Variants in ARHGAP24 observed in about 807,000 individuals in gnomAD.
ARHGAP24 encodes the protein rho GTPase-activating protein 24.
A neutral mutation model predicts 76.4 loss-of-function variants in ARHGAP24; 50 were observed. The observed-to-expected ratio is 0.65, with a 90% confidence interval of 0.52 to 0.83. The LOEUF is 0.83. ARHGAP24 is among the 40% of genes least tolerant of loss of function. The pLI is 0.00. For synonymous variants in ARHGAP24, 345 were observed against 323.3 expected (o/e 1.07, Z -0.72); for missense variants, 930 against 914.2 (o/e 1.02, Z -0.22).
intron 8 of ARHGAP24, among the ~76,000 whole-genome samples, chr4:85,988,932 T>C (rs1469343034): frequency 1.3e-5 from 2 of 151,522 alleles, no homozygotes; most frequent in African/African-American, 2.4e-5. Flanking sequence ...TATGGACTTA[T>C]ATCAGAAAGA....
intron 2 of ARHGAP24, among the ~76,000 whole-genome samples, chr4:85,669,083 G>C (rs1332173087): frequency 6.6e-6 from 1 of 152,050 alleles, no homozygotes; most frequent in Non-Finnish European, 1.5e-5. Context: ...AATTGCTCTA[G>C]TATCTTTGGG....
At chr4:85,930,923 C>A in intron 4 of ARHGAP24, 1 of 1,613,804 alleles carries the variant, frequency 6.2e-7, no homozygotes, top group Non-Finnish European at 8.5e-7. Flanking sequence ...GAACTTCAGG[C>A]CTGTACGATG....
At chr4:85,534,575 A>G (rs747577500) in intron 1 of ARHGAP24, among the ~76,000 whole-genome samples, 44 of 152,196 alleles carry the variant, frequency 2.9e-4, no homozygotes, top group Non-Finnish European at 5.3e-4. Flanking sequence ...TGGGGTGGAA[A>G]TAAATGTGGG....
chr4:85,674,147 T>C (rs1369230423), intron 2 of ARHGAP24, among the ~76,000 whole-genome samples: 4 of 152,178 alleles, frequency 2.6e-5, no homozygotes, highest in Admixed American at 2.6e-4. Flanking sequence ...GAGGGCTGAT[T>C]CAGTAGATCT....
rs185590354 is a variant in ARHGAP24 at position 85,917,183 on chromosome 4, A to G, written c.269-6465A>G. 3.2e-3 allele frequency among the ~76,000 whole-genome samples: 485 copies of G among 152,206 alleles called. 3 individuals carry two copies. The highest frequency in any genetic ancestry group is 0.011 in the African/African-American group (471 of 41,518). On this transcript the variant is annotated intron_variant, in intron 3 of 9. Transcript: ENST00000395184. ...CAGTGTTTGGTTTTTTGTCCTTGCA[A>G]TAGATTACTGAGAATGATGATTTCC...
chr4:85,625,770 A>T (rs1015970508), intron 2 of ARHGAP24, among the ~76,000 whole-genome samples: 12 of 152,182 alleles, frequency 7.9e-5, no homozygotes, highest in African/African-American at 2.7e-4. Flanking sequence ...TTGGGTGCAT[A>T]TATATTTAGG....
chr4:85,832,567 C>G (rs1390187269), intron 3 of ARHGAP24, among the ~76,000 whole-genome samples: 4 of 152,192 alleles, frequency 2.6e-5, no homozygotes, highest in African/African-American at 9.7e-5. Flanking sequence ...GTGCGGTGTT[C>G]AATGGGTTAG....
intron 3 of ARHGAP24, among the ~76,000 whole-genome samples, chr4:85,769,488 A>C (rs1294821689): frequency 6.6e-6 from 1 of 152,186 alleles, no homozygotes; most frequent in Non-Finnish European, 1.5e-5. Flanking sequence ...ATAAAGAAAG[A>C]TAATGTTTTC....
At chr4:85,628,660 CTTTA>C (rs1447028371) in intron 2 of ARHGAP24, among the ~76,000 whole-genome samples, 2 of 152,034 alleles carry the variant, frequency 1.3e-5, no homozygotes, top group Non-Finnish European at 2.9e-5. Context: ...TTACCATTTG[CTTTA>C]TTTATTTAGG....
intron 3 of ARHGAP24, among the ~76,000 whole-genome samples, chr4:85,899,004 A>G (rs1734348069): frequency 6.6e-6 from 1 of 152,202 alleles, no homozygotes; most frequent in Non-Finnish European, 1.5e-5. Context: ...TCGGCCTGCC[A>G]AAGTGCTGGG....
intron 5 of ARHGAP24, among the ~76,000 whole-genome samples, chr4:85,971,134 C>A (rs1458537639): frequency 6.6e-6 from 1 of 152,104 alleles, no homozygotes; most frequent in Non-Finnish European, 1.5e-5. Context: ...ATTAGACAAG[C>A]AATTATGCTT....
chr4:85,776,034 TG>T (rs971824828), intron 3 of ARHGAP24, among the ~76,000 whole-genome samples: 5 of 152,108 alleles, frequency 3.3e-5, no homozygotes, highest in African/African-American at 1.2e-4. Flanking sequence ...GATTTTTATG[TG>T]TGTCAGTTTC....
At chr4:85,867,237 T>C (rs550415916) in intron 3 of ARHGAP24, among the ~76,000 whole-genome samples, 1 of 152,290 alleles carries the variant, frequency 6.6e-6, no homozygotes, top group South Asian at 2.1e-4. Flanking sequence ...TAATATTTTT[T>C]AAATGTTAAT....
intron 1 of ARHGAP24, among the ~76,000 whole-genome samples, chr4:85,534,260 A>G (rs1725378380): frequency 1.3e-5 from 2 of 150,468 alleles, no homozygotes; most frequent in East Asian, 1.9e-4. Flanking sequence ...ATAAAGAAAA[A>G]TAAGGATTAT....
intron 2 of ARHGAP24, among the ~76,000 whole-genome samples, chr4:85,681,163 C>A (rs1723188972): frequency 6.6e-6 from 1 of 152,098 alleles, no homozygotes; most frequent in Non-Finnish European, 1.5e-5. Context: ...GCTTTCTGAA[C>A]CTGTCTTTTC....
chr4:85,904,838 G>A (rs1734685882), intron 3 of ARHGAP24, among the ~76,000 whole-genome samples: 1 of 152,196 alleles, frequency 6.6e-6, no homozygotes, highest in South Asian at 2.1e-4. Flanking sequence ...AAGTGCTCTT[G>A]TTCAGGCATT....
At chr4:85,901,672 A>G (rs1054581642) in intron 3 of ARHGAP24, among the ~76,000 whole-genome samples, 2 of 152,166 alleles carry the variant, frequency 1.3e-5, no homozygotes, top group African/African-American at 2.4e-5. Context: ...CACCCTCTTT[A>G]TTGTAATACT....
chr4:85,655,810 G>GAA (rs1722136960), intron 2 of ARHGAP24, among the ~76,000 whole-genome samples: 1 of 78,338 alleles, frequency 1.3e-5, no homozygotes, highest in African/African-American at 6.7e-5. Flanking sequence ...GAGAGAGAGA[G>GAA]AGAGAGAAAG....
At chr4:85,653,731 C>T (rs1385330682) in intron 2 of ARHGAP24, among the ~76,000 whole-genome samples, 2 of 151,978 alleles carry the variant, frequency 1.3e-5, no homozygotes, top group Admixed American at 6.6e-5. Flanking sequence ...GTGATCCACC[C>T]ACCTCAGCCT....
Sources: gnomAD v4.1 joint callset for allele counts (sites outside exome capture counted in the v4.1 genomes callset) on GRCh38, gnomAD v4.1.1 for gene constraint, MANE v1.5 for transcripts, NCBI Gene and HGNC (gene_info 2026-07-23, HGNC 2026-07-21) for gene names.